The following CTNNA3 variants were observed in gnomAD, a reference collection of about 807,000 sequenced individuals.
The protein encoded by CTNNA3 is catenin alpha 3.
Under a neutral mutation model 95.7 loss-of-function variants are expected in CTNNA3, and 76 were observed. The ratio of observed to expected loss-of-function variants is 0.79; its 90% CI spans 0.66 to 0.96. CTNNA3 has a LOEUF of 0.96. Ranked by LOEUF, CTNNA3 falls within the 40% of genes least tolerant of loss-of-function variation. The probability of loss-of-function intolerance (pLI) is 0.00; values close to 1 mark genes in which losing one functional copy is unlikely to be tolerated. For missense variants in CTNNA3, 1,191 were observed against 1,089.8 expected, an observed-to-expected ratio of 1.09 and a Z score of -1.31; for synonymous variants, 431 against 374.4, an observed-to-expected ratio of 1.15 and a Z score of -1.74.
intron 10 of CTNNA3, among the ~76,000 whole-genome samples, chr10:66,533,041 C>A (rs1282405819): frequency 6.6e-6 from 1 of 152,150 alleles, no homozygotes; most frequent in African/African-American, 2.4e-5. Flanking sequence ...CTGTTCCTAG[C>A]CACTCTCTAC....
chr10:66,442,610 A>C (rs1177691821), intron 11 of CTNNA3, among the ~76,000 whole-genome samples: 1 of 152,204 alleles, frequency 6.6e-6, no homozygotes, highest in Non-Finnish European at 1.5e-5. Context: ...ATAGAAAAAA[A>C]ATAGCTTTAT....
chr10:67,016,023 GTA>G (rs1852636213), intron 7 of CTNNA3, among the ~76,000 whole-genome samples: 1 of 133,652 alleles, frequency 7.5e-6, no homozygotes, highest in Admixed American at 8.4e-5. Flanking sequence ...TTTTATTGCT[GTA>G]TACTCTCTTC....
chr10:67,483,268 T>C (rs1848308196), intron 5 of CTNNA3, among the ~76,000 whole-genome samples: 1 of 150,154 alleles, frequency 6.7e-6, no homozygotes, highest in Non-Finnish European at 1.5e-5. Flanking sequence ...CATTACTGGG[T>C]ATATACCCAA....
At position 67,268,421 on chromosome 10, in the gene CTNNA3, T is replaced by A. The variant is rs1023795495; in HGVS notation, c.580-48551A>T. 8.6e-5 allele frequency among the ~76,000 whole-genome samples: 13 copies of A among 151,956 alleles called. 1 individual carries two copies. Among genetic ancestry groups the A allele is most frequent in the Admixed American group, 8.5e-4 (13 of 15,238 alleles). Reference sequence around the variant, plus strand: ...CCTGTAGTGCCAGCTACTTGGCCACTAAGGCAGGAGGATTGCATGAGCCCA... The same window carrying A: ...CCTGTAGTGCCAGCTACTTGGCCACAAAGGCAGGAGGATTGCATGAGCCCA... On this transcript the variant is annotated intron_variant, in intron 5 of 17. Transcript: ENST00000433211.
chr10:66,552,636 G>A (rs529752824), intron 10 of CTNNA3, among the ~76,000 whole-genome samples: 4 of 149,912 alleles, frequency 2.7e-5, no homozygotes, highest in South Asian at 4.1e-4. Flanking sequence ...TCTAGACTCC[G>A]ATATTTTGTA....
chr10:66,903,594 G>C (rs983362170), intron 7 of CTNNA3, among the ~76,000 whole-genome samples: 1 of 152,150 alleles, frequency 6.6e-6, no homozygotes, highest in Admixed American at 6.5e-5. Context: ...AATTGTCCCT[G>C]TTTGCAGATG....
At chr10:66,917,239 T>C (rs1340190984) in intron 7 of CTNNA3, among the ~76,000 whole-genome samples, 1 of 152,206 alleles carries the variant, frequency 6.6e-6, no homozygotes, top group African/African-American at 2.4e-5. Flanking sequence ...TGGCATTTGC[T>C]ACCCGGGACT....
intron 11 of CTNNA3, among the ~76,000 whole-genome samples, chr10:66,433,618 C>G (rs1342080272): frequency 6.6e-6 from 1 of 152,178 alleles, no homozygotes; most frequent in Non-Finnish European, 1.5e-5. Flanking sequence ...ATGGTAGTTT[C>G]TTTCACCGTG....
chr10:66,821,577 C>T (rs1054514642), intron 7 of CTNNA3, among the ~76,000 whole-genome samples: 6 of 152,106 alleles, frequency 3.9e-5, no homozygotes, highest in Non-Finnish European at 5.9e-5. Context: ...ATCTTTATTA[C>T]ATACAAAAGA....
Position 67,222,407 on chromosome 10 carries a change from T to C in CTNNA3, c.580-2537A>G, listed in dbSNP as rs545785828. On this transcript the variant is annotated intron_variant, in intron 5 of 17. Transcript: ENST00000433211. ...ATCTCTTTCGGTGTCTGTCTTTCTA[T>C]CTGTAAAAATGGGATAATGATACTT... is the stretch of plus-strand genomic sequence containing the variant. 1.9e-4 allele frequency among the ~76,000 whole-genome samples: 29 copies of C among 152,320 alleles called. 1 individual carries two copies. In the South Asian group the frequency reaches 5.6e-3, roughly 29 times the overall value.
At chr10:67,327,470 T>C (rs1434018760) in intron 5 of CTNNA3, among the ~76,000 whole-genome samples, 1 of 152,186 alleles carries the variant, frequency 6.6e-6, no homozygotes, top group Non-Finnish European at 1.5e-5. Flanking sequence ...CTAACTGCCT[T>C]CATTTCTGGA....
chr10:67,014,710 T>C (rs1231418316), intron 7 of CTNNA3, among the ~76,000 whole-genome samples: 1 of 151,978 alleles, frequency 6.6e-6, no homozygotes, highest in East Asian at 1.9e-4. Flanking sequence ...ATATAAAAAC[T>C]TCAAGTAATA....
At chr10:66,024,320 A>T (rs1455763757) in intron 15 of CTNNA3, among the ~76,000 whole-genome samples, 1 of 151,024 alleles carries the variant, frequency 6.6e-6, no homozygotes, top group Non-Finnish European at 1.5e-5. Flanking sequence ...CGATCTCCTG[A>T]CCTCGTGATC....
intron 1 of CTNNA3, among the ~76,000 whole-genome samples, chr10:67,725,077 C>T (rs1841201042): frequency 6.6e-6 from 1 of 151,984 alleles, no homozygotes; most frequent in Non-Finnish European, 1.5e-5. Flanking sequence ...TTTACTTTCT[C>T]AGGGTATACA....
At chr10:67,398,655 G>C (rs1039456023) in intron 5 of CTNNA3, among the ~76,000 whole-genome samples, 16 of 152,242 alleles carry the variant, frequency 1.1e-4, no homozygotes, top group African/African-American at 3.6e-4. Context: ...TGGTTTGGCT[G>C]TGTCCCTACC....
intron 9 of CTNNA3, among the ~76,000 whole-genome samples, chr10:66,638,073 C>T (rs1291392200): frequency 1.3e-5 from 2 of 152,168 alleles, no homozygotes; most frequent in African/African-American, 2.4e-5. Flanking sequence ...AAGAACAAGA[C>T]AAGACTGTCA....
At chr10:65,976,852 T>G (rs891198531) in intron 16 of CTNNA3, among the ~76,000 whole-genome samples, 6 of 152,182 alleles carry the variant, frequency 3.9e-5, no homozygotes, top group African/African-American at 1.4e-4. Flanking sequence ...TGCATGTTTC[T>G]TATACACTCT....
At chr10:67,145,281 G>C (rs1174000823) in intron 7 of CTNNA3, among the ~76,000 whole-genome samples, 2 of 152,098 alleles carry the variant, frequency 1.3e-5, no homozygotes, top group East Asian at 3.9e-4. Context: ...ACAGAAACAT[G>C]AAATGAGTAC....
At chr10:66,090,690 C>T (rs2081180790) in intron 14 of CTNNA3, among the ~76,000 whole-genome samples, 1 of 151,886 alleles carries the variant, frequency 6.6e-6, no homozygotes, top group Non-Finnish European at 1.5e-5. Flanking sequence ...TTTCTAAAAG[C>T]TCTGTTTCTT....
Sources: gnomAD v4.1 joint callset for allele counts (sites outside exome capture counted in the v4.1 genomes callset) on GRCh38, gnomAD v4.1.1 for gene constraint, MANE v1.5 for transcripts, NCBI Gene and HGNC (gene_info 2026-07-23, HGNC 2026-07-21) for gene names.